The following GABRB1 variants were observed in gnomAD, a reference collection of about 807,000 sequenced individuals.
GABRB1 encodes the protein gamma-aminobutyric acid type A receptor subunit beta1.
In GABRB1, 17 loss-of-function variants were observed where a neutral mutation model predicts 51.6. That is an observed-to-expected ratio of 0.33 (90% CI 0.23 to 0.49). The LOEUF is 0.49. Ranked by LOEUF, GABRB1 falls within the 20% of genes least tolerant of loss-of-function variation. GABRB1 has a pLI of 0.99. For missense variants in GABRB1, 410 were observed against 600.6 expected (o/e 0.68, Z 3.32); for synonymous variants, 247 against 218.9 (o/e 1.13, Z -1.14).
intron 1 of GABRB1, among the ~76,000 whole-genome samples, chr4:47,025,168 C>T (rs1204298991): frequency 3.3e-5 from 5 of 150,428 alleles, no homozygotes; most frequent in African/African-American, 1.2e-4. Context: ...TGGGTTGGCT[C>T]CACATTTTTG....
At chr4:47,254,537 T>C (rs1483882796) in intron 4 of GABRB1, among the ~76,000 whole-genome samples, 2 of 150,672 alleles carry the variant, frequency 1.3e-5, no homozygotes, top group African/African-American at 4.9e-5. Context: ...GGCTGATTTG[T>C]GTGTGTGTGT....
chr4:47,002,241 G>A (rs548176243), intron 1 of GABRB1, among the ~76,000 whole-genome samples: 4 of 152,164 alleles, frequency 2.6e-5, no homozygotes, highest in Admixed American at 6.5e-5. Context: ...AAGCCTTTGC[G>A]AAAATATCAA....
intron 3 of GABRB1, among the ~76,000 whole-genome samples, chr4:47,144,480 A>G (rs1717067620): frequency 1.3e-5 from 2 of 151,926 alleles, no homozygotes; most frequent in Non-Finnish European, 2.9e-5. Flanking sequence ...AATTGAGAAA[A>G]AGCAACATCT....
chr4:47,036,564 G>T (rs867956349), intron 3 of GABRB1, among the ~76,000 whole-genome samples: 2 of 152,154 alleles, frequency 1.3e-5, no homozygotes, highest in South Asian at 4.1e-4. Context: ...CTAAGTTCTA[G>T]CTTAATTAAG....
upstream of GABRB1, among the ~76,000 whole-genome samples, chr4:47,027,891 C>T (rs1434855432): frequency 6.6e-6 from 1 of 151,478 alleles, no homozygotes; most frequent in East Asian, 1.9e-4. Flanking sequence ...GAACAGAAGG[C>T]AAATGCCACC....
At chr4:47,397,138 A>T (rs188212625) in intron 5 of GABRB1, among the ~76,000 whole-genome samples, 1 of 152,218 alleles carries the variant, frequency 6.6e-6, no homozygotes, top group East Asian at 1.9e-4. Flanking sequence ...CACTTTTTTA[A>T]TGTAGCTGAA....
chr4:47,425,120 T>C (rs1218171253), intron 8 of GABRB1, among the ~76,000 whole-genome samples: 1 of 152,200 alleles, frequency 6.6e-6, no homozygotes, highest in African/African-American at 2.4e-5. Context: ...TCATGTAAGC[T>C]ATTAATAAAG....
intron 5 of GABRB1, among the ~76,000 whole-genome samples, chr4:47,364,873 A>G (rs1726923773): frequency 6.6e-6 from 1 of 152,160 alleles, no homozygotes. Flanking sequence ...AATTTGAGAT[A>G]GAAAGTACAG....
chr4:47,364,445 A>G (rs1455452600), intron 5 of GABRB1, among the ~76,000 whole-genome samples: 2 of 152,138 alleles, frequency 1.3e-5, no homozygotes, highest in African/African-American at 2.4e-5. Flanking sequence ...CAAAAAAGCT[A>G]TTAAAATGAT....
At chr4:47,385,856 C>T (rs955000740) in intron 5 of GABRB1, among the ~76,000 whole-genome samples, 10 of 152,176 alleles carry the variant, frequency 6.6e-5, no homozygotes, top group Non-Finnish European at 1.3e-4. Context: ...GAATGTCTCA[C>T]AGAACTCAGG....
At chr4:47,131,693 T>C in intron 3 of GABRB1, among the ~76,000 whole-genome samples, 1 of 152,178 alleles carries the variant, frequency 6.6e-6, no homozygotes, top group Middle Eastern at 3.2e-3. Flanking sequence ...TGTTACGATA[T>C]GGTAAAAGAA....
At chr4:47,298,590 G>T (rs987258115) in intron 4 of GABRB1, among the ~76,000 whole-genome samples, 1 of 152,132 alleles carries the variant, frequency 6.6e-6, no homozygotes, top group Non-Finnish European at 1.5e-5. Flanking sequence ...AATAAAAGAG[G>T]ATACAAAGAA....
chr4:47,135,843 G>C (rs1020439851), intron 3 of GABRB1, among the ~76,000 whole-genome samples: 2 of 151,848 alleles, frequency 1.3e-5, no homozygotes, highest in African/African-American at 4.8e-5. Flanking sequence ...TTTACTATTT[G>C]AAATTCCCAA....
At chr4:47,121,991 G>T (rs1426484386) in intron 3 of GABRB1, among the ~76,000 whole-genome samples, 1 of 49,722 alleles carries the variant, frequency 2.0e-5, no homozygotes, top group Non-Finnish European at 4.1e-5. Context: ...CAGAAAAAAG[G>T]CATGTCTATT....
chr4:47,155,029 C>A (rs1257058000), intron 3 of GABRB1, among the ~76,000 whole-genome samples: 1 of 152,066 alleles, frequency 6.6e-6, no homozygotes, highest in Non-Finnish European at 1.5e-5. Flanking sequence ...TCCATCTCAA[C>A]TTTTTCGAGC....
At chr4:47,161,721 T>C (rs145002160) in intron 4 of GABRB1, among the ~76,000 whole-genome samples, 2 of 152,178 alleles carry the variant, frequency 1.3e-5, no homozygotes, top group East Asian at 1.9e-4. Flanking sequence ...TTATAGGATA[T>C]GTAAAGTGGT....
rs1458294133 is a variant in GABRB1, at chr4:47,007,140, G to T, written c.-20+13214G>T. On this transcript the variant is annotated intron_variant, in intron 1 of 3. Coordinates refer to the GABRB1 transcript ENST00000513567. ...GAGTGACAGAGCGAGACCCTGTTTGGATAAAAAAAAAAAGAAAAAGAAAAG... is the reference window on the plus strand; with the variant it reads ...GAGTGACAGAGCGAGACCCTGTTTGTATAAAAAAAAAAAGAAAAAGAAAAG... Among the ~76,000 whole-genome samples, 5 of 78,350 alleles carry T rather than the reference G, an allele frequency of 6.4e-5. No homozygotes were observed. The East Asian group carries it at 1.4e-3, about 21-fold the overall frequency. The allele number at this position is 78,350 out of a possible 152,430, so 51.4% of individuals were successfully genotyped here. A position where few individuals can be genotyped will look rare whatever the true frequency, so the allele number is the denominator to read the frequency against.
chr4:47,217,546 C>T (rs1720601287), intron 4 of GABRB1, among the ~76,000 whole-genome samples: 2 of 151,718 alleles, frequency 1.3e-5, no homozygotes, highest in South Asian at 2.1e-4. Flanking sequence ...TAGAGCAACT[C>T]ATGAACACCA....
intron 4 of GABRB1, among the ~76,000 whole-genome samples, chr4:47,295,517 G>A (rs1190117370): frequency 1.3e-5 from 2 of 152,156 alleles, no homozygotes; most frequent in Non-Finnish European, 2.9e-5. Flanking sequence ...AGTGATGGAA[G>A]ATGAAATGAA....
Sources: allele counts gnomAD v4.1 joint callset (sites outside exome capture counted in the v4.1 genomes callset), GRCh38; gene constraint gnomAD v4.1.1; transcripts MANE v1.5; gene names NCBI Gene and HGNC (gene_info 2026-07-23, HGNC 2026-07-21).